CCDC150: variants seen among roughly 807,000 people sequenced by gnomAD.
The protein encoded by CCDC150 is coiled-coil domain-containing protein 150.
CCDC150 carries 151 observed loss-of-function variants against 156.5 expected under a neutral mutation model. That is an observed-to-expected ratio of 0.97 (90% CI 0.85 to 1.10). The LOEUF (loss-of-function observed/expected upper bound fraction) is 1.10, where lower values mean the gene tolerates loss of function less well. Ranked by LOEUF, CCDC150 falls within the 50% of genes least tolerant of loss-of-function variation. The pLI is 0.00. For missense variants in CCDC150, 1,312 were observed against 1,268.1 expected, an observed-to-expected ratio of 1.03 and a Z score of -0.53; for synonymous variants, 452 against 429.4, an observed-to-expected ratio of 1.05 and a Z score of -0.65.
At chr2:196,692,939 G>A (rs1265248625) in intron 13 of CCDC150, among the ~76,000 whole-genome samples, 1 of 152,120 alleles carries the variant, frequency 6.6e-6, no homozygotes, top group African/African-American at 2.4e-5. Context: ...CACTGTTATT[G>A]TGTGGGAGTC....
intron 13 of CCDC150, among the ~76,000 whole-genome samples, chr2:196,694,197 T>C (rs577076559): frequency 6.6e-6 from 1 of 151,890 alleles, no homozygotes; most frequent in South Asian, 2.1e-4. Flanking sequence ...GCTGGGATTA[T>C]AGGCATGTGC....
At chr2:196,721,189 G>A (rs1697861167) in intron 20 of CCDC150, among the ~76,000 whole-genome samples, 1 of 150,456 alleles carries the variant, frequency 6.6e-6, no homozygotes, top group Non-Finnish European at 1.5e-5. Context: ...AAGGTCATAG[G>A]ATCAGGAAGG....
intron 21 of CCDC150, among the ~76,000 whole-genome samples, chr2:196,725,213 C>G (rs1249862928): frequency 1.3e-5 from 2 of 152,022 alleles, no homozygotes; most frequent in African/African-American, 4.8e-5. Context: ...TGAGAAAGAA[C>G]CAATAACTCA....
chr2:196,672,029 A>G (rs1428419105), intron 8 of CCDC150, among the ~76,000 whole-genome samples: 1 of 152,216 alleles, frequency 6.6e-6, no homozygotes, highest in African/African-American at 2.4e-5. Context: ...AGTGAATGAG[A>G]GTCCCTGTTG....
intron 19 of CCDC150, chr2:196,720,026 A>G: frequency 3.2e-6 from 1 of 315,234 alleles, no homozygotes; most frequent in Non-Finnish European, 6.5e-6. Context: ...TACATACTTT[A>G]GTTTGAATTA....
chr2:196,701,219 T>C (rs775419784), intron 15 of CCDC150, 39 bp downstream of exon 15: 1 of 1,305,042 alleles, frequency 7.7e-7, no homozygotes, highest in Non-Finnish European at 1.1e-6. Flanking sequence ...GTTTGAATTT[T>C]AAAAATACCA....
At chr2:196,714,933 G>C (rs1031249445) in intron 17 of CCDC150, among the ~76,000 whole-genome samples, 4 of 152,072 alleles carry the variant, frequency 2.6e-5, no homozygotes, top group Admixed American at 1.3e-4. Flanking sequence ...ACTTTTCTGG[G>C]ATCCTTTTCT....
At chr2:196,660,624 G>C (rs148978706) in intron 5 of CCDC150, among the ~76,000 whole-genome samples, 2 of 152,154 alleles carry the variant, frequency 1.3e-5, no homozygotes, top group African/African-American at 2.4e-5. Flanking sequence ...TGAGTTATCT[G>C]TTAGACTTTT....
intron 4 of CCDC150, among the ~76,000 whole-genome samples, chr2:196,658,301 A>G (rs1219695333): frequency 2.6e-5 from 4 of 152,216 alleles, no homozygotes; most frequent in African/African-American, 9.6e-5. Context: ...GACTAAAGGC[A>G]GTAAAGAAGG....
At chr2:196,648,670 G>C (rs1264411851) in intron 2 of CCDC150, among the ~76,000 whole-genome samples, 5 of 152,090 alleles carry the variant, frequency 3.3e-5, no homozygotes, top group Non-Finnish European at 7.4e-5. Flanking sequence ...TTTTGCTTTT[G>C]TTGCCTGTGC....
At chr2:196,657,348 A>G in intron 4 of CCDC150, 1 of 507,022 alleles carries the variant, frequency 2.0e-6, no homozygotes, top group Non-Finnish European at 3.6e-6. Context: ...GATTATTTGT[A>G]CAACCCTTAC....
chr2:196,690,357 A>G (rs530410747), intron 13 of CCDC150, among the ~76,000 whole-genome samples: 1 of 152,274 alleles, frequency 6.6e-6, no homozygotes, highest in East Asian at 1.9e-4. Flanking sequence ...CATTGTGCAC[A>G]TGTACCCTAA....
In CCDC150 at chr2:196,676,169, A is replaced by G. The variant is rs1213231848; in HGVS notation, c.1164A>G (p.Thr388=). Residue 388 remains threonine, a synonymous_variant, in exon 11 of 28, where the codon ACA becomes ACG. Coordinates refer to ENST00000389175, the MANE Select transcript of CCDC150 (RefSeq NM_001080539.2). The part of the protein sequence containing the change: ...LQVEQKMMTQ[T]FQEQNLLLDA... ...TAGAGCAGAAAATGATGACGCAGAC[A>G]TTTCAAGAACAAAACTTATTGCTGG... 9 of 1,613,612 alleles carry G rather than the reference A, an allele frequency of 5.6e-6. No homozygotes were observed. The Admixed American group carries it at 1.3e-4, about 24-fold the overall frequency.
At chr2:196,653,444 T>C (rs12151839) in intron 2 of CCDC150, among the ~76,000 whole-genome samples, 139,734 of 152,090 alleles carry the variant, frequency 0.92, 64,276 homozygotes, top group East Asian at 0.98. Context: ...CCACAGATCC[T>C]TAAGGGCACG....
intron 15 of CCDC150, among the ~76,000 whole-genome samples, chr2:196,704,985 C>T (rs1402410899): frequency 6.6e-6 from 1 of 152,156 alleles, no homozygotes; most frequent in Non-Finnish European, 1.5e-5. Flanking sequence ...CAAGTCTTTG[C>T]TATTGTGAAT....
intron 17 of CCDC150, among the ~76,000 whole-genome samples, chr2:196,716,581 C>T (rs1697517592): frequency 6.6e-6 from 1 of 152,132 alleles, no homozygotes; most frequent in South Asian, 2.1e-4. Context: ...CAGTGGTTAC[C>T]TGTGAGAATC....
intron 13 of CCDC150, among the ~76,000 whole-genome samples, chr2:196,679,353 A>G (rs1217380793): frequency 2.0e-5 from 3 of 152,184 alleles, no homozygotes; most frequent in African/African-American, 7.2e-5. Context: ...GCAACCACAG[A>G]TCTGTGTTTT....
chr2:196,701,153 A>C lies in CCDC150; in HGVS notation c.1668A>C (p.Lys556Asn). 2 of 1,608,800 alleles carry C rather than the reference A, an allele frequency of 1.2e-6. No individual in the cohort carries two copies. The highest frequency in any genetic ancestry group is 1.7e-6 in the Non-Finnish European group (2 of 1,177,794). The change falls in exon 15 of 28, where the codon AAA becomes AAC. Residue 556 changes from lysine to asparagine, a missense_variant. Coordinates refer to ENST00000389175, the MANE Select transcript of CCDC150 (RefSeq NM_001080539.2). The part of the protein sequence containing the change: ...KVEKITESKN[K>N]LAYENGKLQI... The stretch of plus-strand genomic sequence containing the variant: ...AAAAAATCACTGAAAGTAAAAATAA[A>C]CTGGCCTATGAAAACGGAAAACTCC...
chr2:196,713,604 G>A (rs1322339544), intron 17 of CCDC150: 1 of 1,519,240 alleles, frequency 6.6e-7, no homozygotes, highest in Non-Finnish European at 8.8e-7. Context: ...ATGGAGGGAA[G>A]ACTGGAAGGC....
Sources: gnomAD v4.1 joint callset for allele counts (sites outside exome capture counted in the v4.1 genomes callset) on GRCh38, gnomAD v4.1.1 for gene constraint, MANE v1.5 for transcripts, NCBI Gene and HGNC (gene_info 2026-07-23, HGNC 2026-07-21) for gene names.